The following NCLN variants were observed in gnomAD, a reference collection of about 807,000 sequenced individuals.
NCLN encodes the protein BOS complex subunit NCLN.
Under a neutral mutation model 69.5 loss-of-function variants are expected in NCLN, and 34 were observed. The observed-to-expected ratio is 0.49, with a 90% CI of 0.37 to 0.65. The LOEUF (loss-of-function observed/expected upper bound fraction) is 0.65. Ranked by LOEUF, NCLN falls within the 30% of genes least tolerant of loss-of-function variation. The pLI is 0.00. For synonymous variants in NCLN, 393 were observed against 358.3 expected (o/e 1.10, Z -1.09); for missense variants, 710 against 804.8 (o/e 0.88, Z 1.42).
rs1177861681 is a variant in NCLN, at chr19:3,203,906, G to A, written c.889+62G>A. 3.2e-6 allele frequency: 5 copies of A among 1,584,152 alleles called. No homozygotes were observed. In the Admixed American group the frequency reaches 5.5e-5, roughly 17 times the overall value. The stretch of plus-strand genomic sequence containing the variant: ...GGTGGTGCCGTGGGGAGGCACGGAG[G>A]CCCAGGGGTTGCCATGGGGGCAGCC... On this transcript the variant is annotated intron_variant, in intron 7 of 14. Coordinates refer to ENST00000246117, the MANE Select transcript of NCLN (RefSeq NM_020170.4).
intron 6 of NCLN, among the ~76,000 whole-genome samples, 165 bp downstream of exon 6, chr19:3,201,791 C>G (rs1916133198): frequency 6.6e-6 from 1 of 152,322 alleles, no homozygotes; most frequent in South Asian, 2.1e-4. Flanking sequence ...AAGCTGAGCC[C>G]TCGCAGGCTC....
intron 4 of NCLN, among the ~76,000 whole-genome samples, chr19:3,196,978 G>A (rs1450227537): frequency 1.3e-5 from 2 of 152,322 alleles, no homozygotes; most frequent in Non-Finnish European, 2.9e-5. Flanking sequence ...GGCCTTGTTG[G>A]GGGGTGCCCG....
chr19:3,194,093 G>T (rs1489379320), intron 3 of NCLN, among the ~76,000 whole-genome samples: 2 of 152,242 alleles, frequency 1.3e-5, no homozygotes, highest in Admixed American at 6.5e-5. Context: ...TCCTGGCCCA[G>T]CCCCAACAAA....
chr19:3,204,691 T>G lies in NCLN; in HGVS notation c.1148T>G (p.Phe383Cys). ...ERFAIRRLPAFTLSHLESHRD... is the reference protein window; with the variant it reads ...ERFAIRRLPACTLSHLESHRD... Reference sequence around the variant, plus strand: ...TTCGCCATCCGCCGACTGCCCGCCTTCACGCTGTCCCACCTGGAGAGCCAC... The same window carrying G: ...TTCGCCATCCGCCGACTGCCCGCCTGCACGCTGTCCCACCTGGAGAGCCAC... The change falls in exon 9 of 15, where the codon TTC (phenylalanine) becomes TGC (cysteine). Residue 383 changes from phenylalanine to cysteine, a missense_variant. By Grantham distance (205) the Phe-to-Cys change is radical (BLOSUM62 -2). Transcript: ENST00000246117. 6.2e-7 allele frequency: 1 copy of G among 1,606,584 alleles called. No homozygotes were observed. The highest frequency in any genetic ancestry group is 8.5e-7 in the Non-Finnish European group (1 of 1,176,950).
At position 3,193,314 on chromosome 19, in the gene NCLN, G is replaced by A. The variant is rs1460556711; in HGVS notation, c.406G>A (p.Ala136Thr). ...QFMEIEPEML[A>T]METAVPVYFA... is the part of the protein sequence containing the mutation. ...CATGGAGATCGAGCCGGAGATGCTG[G>A]CCATGGAGACCGCCGTCCCCGTGTA... Residue 136 changes from alanine (A) to threonine (T), a missense_variant, in exon 3 of 15, where the codon GCC (alanine) becomes ACC (threonine). Physicochemically the swap from Ala to Thr is moderately conservative, Grantham distance 58. Transcript: ENST00000246117. 2.5e-6 allele frequency: 4 copies of A among 1,612,964 alleles called. No homozygotes were observed. Among genetic ancestry groups the A allele is most frequent in the Admixed American group, 1.7e-5 (1 of 60,002 alleles).
At chr19:3,204,880 G>A (rs1010912225) in intron 9 of NCLN, 129 bp downstream of exon 9, 71 of 1,037,454 alleles carry the variant, frequency 6.8e-5, no homozygotes, top group South Asian at 4.8e-4. Context: ...GGAAGGGGCC[G>A]GTGCGTGGCC....
At chr19:3,203,100 G>C (rs2144914925) in intron 6 of NCLN, among the ~76,000 whole-genome samples, 1 of 152,234 alleles carries the variant, frequency 6.6e-6, no homozygotes, top group Non-Finnish European at 1.5e-5. Context: ...TGGATCACCT[G>C]TCAGGAGTTC....
chr19:3,199,991 C>T (rs965569911), intron 5 of NCLN, among the ~76,000 whole-genome samples: 2 of 151,990 alleles, frequency 1.3e-5, no homozygotes, highest in Non-Finnish European at 2.9e-5. Flanking sequence ...TGAGCCACCG[C>T]ACCCAGTCCT....
intron 1 of NCLN, 32 bp downstream of exon 1, chr19:3,186,246 C>A: frequency 7.0e-7 from 1 of 1,430,998 alleles, no homozygotes; most frequent in Non-Finnish European, 9.1e-7. Context: ...TCGGGGCTCC[C>A]CGGGCTCCCC....
chr19:3,202,751 G>GT (rs5826805), intron 6 of NCLN, among the ~76,000 whole-genome samples: 45 of 147,830 alleles, frequency 3.0e-4, no homozygotes, highest in South Asian at 8.6e-4. Flanking sequence ...GCCAAAACTT[G>GT]TTTTTTTTTT....
intron 1 of NCLN, among the ~76,000 whole-genome samples, chr19:3,189,725 G>A (rs1326740849): frequency 1.3e-5 from 2 of 152,252 alleles, no homozygotes; most frequent in African/African-American, 4.8e-5. Context: ...TGGCCACCCG[G>A]CCCGACCCTG....
Position 3,208,822 on chromosome 19 carries a change from G to A in NCLN, c.*1134G>A, listed in dbSNP as rs2144924542. The stretch of plus-strand genomic sequence containing the variant: ...CATGGCCTCTGGGGCCACCCTTCCT[G>A]GAACTCAGAGAGGAAGGTCCGGGCC... On this transcript the variant is annotated 3_prime_UTR_variant, in exon 15 of 15. Coordinates refer to ENST00000246117, the MANE Select transcript of NCLN (RefSeq NM_020170.4). 1 of 152,550 alleles carries A rather than the reference G, an allele frequency of 6.6e-6. No homozygotes were observed. Among genetic ancestry groups the A allele is most frequent in the Admixed American group, 6.5e-5 (1 of 15,320 alleles). The allele number at this position is 152,550 out of a possible 1,614,324, so 9.4% of individuals were successfully genotyped here. A position where few individuals can be genotyped will look rare whatever the true frequency, so the allele number is the denominator to read the frequency against.
rs1916293381 is a variant in NCLN at position 3,207,236 on chromosome 19, T to C, written c.1538T>C (p.Val513Ala). 2 of 1,613,780 alleles carry C rather than the reference T, an allele frequency of 1.2e-6. No individual in the cohort carries two copies. The highest frequency in any genetic ancestry group is 2.2e-5 in the South Asian group (2 of 91,080). Residue 513 changes from valine to alanine, a missense_variant, in exon 13 of 15, where the codon GTG (valine) becomes GCG (alanine). Physicochemically the swap from Val to Ala is moderately conservative, Grantham distance 64 (BLOSUM62 0). Coordinates refer to ENST00000246117, the MANE Select transcript of NCLN (RefSeq NM_020170.4). ...EFVFYDQLKQVMNAYRVKPAV... is the reference protein window; with the variant it reads ...EFVFYDQLKQAMNAYRVKPAV... Reference sequence around the variant, plus strand: ...GTCTTCTACGACCAGCTGAAGCAAGTGATGAATGCGTACAGGTGAGTGGTG... The same window carrying C: ...GTCTTCTACGACCAGCTGAAGCAAGCGATGAATGCGTACAGGTGAGTGGTG...
intron 1 of NCLN, among the ~76,000 whole-genome samples, chr19:3,186,647 C>T (rs1915678916): frequency 6.6e-6 from 1 of 152,216 alleles, no homozygotes; most frequent in South Asian, 2.1e-4. Flanking sequence ...CTCCAGCTCC[C>T]AGGGTCCTGT....
chr19:3,196,759 A>G (rs917770758), intron 4 of NCLN, among the ~76,000 whole-genome samples: 4 of 152,240 alleles, frequency 2.6e-5, no homozygotes, highest in Admixed American at 2.6e-4. Flanking sequence ...CTCTCGGATC[A>G]TCAGGGCAGA....
chr19:3,201,166 C>T (rs1599356501), intron 5 of NCLN, among the ~76,000 whole-genome samples: 1 of 152,314 alleles, frequency 6.6e-6, no homozygotes, highest in East Asian at 1.9e-4. Context: ...CAGATGCTGC[C>T]CTCTGTGAGC....
chr19:3,185,945 AC>A lies in NCLN; in HGVS notation c.-83del. On this transcript the variant is annotated 5_prime_UTR_variant, in exon 1 of 15. Coordinates refer to ENST00000246117, the MANE Select transcript of NCLN (RefSeq NM_020170.4). ...CGGCGCCCGCAGGACCCCGGCGGCT[AC>A]CCATGCCGAGGTGAGTCCGCGGGAG... 2.9e-6 allele frequency: 3 copies of A among 1,039,616 alleles called. No homozygotes were observed. The highest frequency in any genetic ancestry group is 3.7e-6 in the Non-Finnish European group (3 of 809,462). The allele number at this position is 1,039,616 out of a possible 1,614,324, so 64.4% of individuals were successfully genotyped here. A position where few individuals can be genotyped will look rare whatever the true frequency, so the allele number is the denominator to read the frequency against.
At chr19:3,191,609 G>A (rs139411512) in intron 1 of NCLN, among the ~76,000 whole-genome samples, 6 of 152,324 alleles carry the variant, frequency 3.9e-5, no homozygotes, top group Non-Finnish European at 7.4e-5. Context: ...TTCAGGGAAG[G>A]GCCGTCCCCA....
chr19:3,203,972 C>T, intron 7 of NCLN, 33 bp from the exon 8 acceptor site: 1 of 1,544,426 alleles, frequency 6.5e-7, no homozygotes. Context: ...TTCCTGGTCC[C>T]CACCCACCCC....
Sources: allele counts gnomAD v4.1 joint callset (sites outside exome capture counted in the v4.1 genomes callset), GRCh38; gene constraint gnomAD v4.1.1; transcripts MANE v1.5; gene names NCBI Gene and HGNC (gene_info 2026-07-23, HGNC 2026-07-21).